Variants in SMG6 observed in about 807,000 individuals in gnomAD.
SMG6 encodes telomerase-binding protein EST1A.
A neutral mutation model predicts 142.2 loss-of-function variants in SMG6; 66 were observed. The ratio of observed to expected loss-of-function variants is 0.46; its 90% CI spans 0.38 to 0.57. SMG6 has a LOEUF of 0.57. SMG6 is among the 20% of genes least tolerant of loss of function. The probability of loss-of-function intolerance (pLI) is 0.00; values close to 1 mark genes in which losing one functional copy is unlikely to be tolerated. For missense variants in SMG6, 1,793 were observed against 1,832.0 expected, an observed-to-expected ratio of 0.98 and a Z score of 0.39; for synonymous variants, 779 against 702.4, an observed-to-expected ratio of 1.11 and a Z score of -1.72.
chr17:2,065,532 A>G lies in SMG6; in HGVS notation c.3983T>C (p.Leu1328Pro). The G allele has an allele frequency of 6.2e-7, 1 of 1,613,942 alleles. No homozygotes were observed. Among genetic ancestry groups the G allele is most frequent in the Non-Finnish European group, 8.5e-7 (1 of 1,180,006 alleles). Reference protein sequence around the residue: ...FESRDSCLRALTSRGNELESI... With the variant: ...FESRDSCLRAPTSRGNELESI... ...TTCGAGTTCATTGCCACGGCTGGTC[A>G]GGGCTCGCAGGCAAGAGTCCCGACT... Residue 1328 changes from leucine (L) to proline (P), a missense_variant, in exon 17 of 19, where the codon CTG becomes CCG. By Grantham distance (98) the Leu-to-Pro change is moderately conservative. Around this residue, in one of 3 missense-constraint regions of SMG6, gnomAD observed 179 missense variants for 212.6 expected, o/e 0.84. Coordinates refer to ENST00000263073, the MANE Select transcript of SMG6 (RefSeq NM_017575.5).
intron 8 of SMG6, among the ~76,000 whole-genome samples, chr17:2,269,033 T>C (rs2074487749): frequency 6.6e-6 from 1 of 151,124 alleles, no homozygotes; most frequent in African/African-American, 2.4e-5. Flanking sequence ...TGAAACCCCG[T>C]CTCTACTAAA....
chr17:2,134,887 T>A lies in SMG6; in HGVS notation c.3357+37771A>T, dbSNP rs950537582. Among the ~76,000 whole-genome samples, 4 of 11,734 alleles carry A rather than the reference T, an allele frequency of 3.4e-4. No homozygotes were observed. The African/African-American group carries it at 3.6e-3, about 11-fold the overall frequency. 7.7% of individuals were successfully genotyped at this position (11,734 alleles called of 152,430 possible). A position where few individuals can be genotyped will look rare whatever the true frequency, so the allele number is the denominator to read the frequency against. On this transcript the variant is annotated intron_variant, in intron 13 of 18. Transcript: ENST00000263073. ...TTTTAAAAAGTTTTATTTTAATTTA[T>A]TTTTTTTTTTGAGACAGAGTCTCAC...
intron 13 of SMG6, among the ~76,000 whole-genome samples, chr17:2,149,051 A>C (rs2070749993): frequency 6.6e-6 from 1 of 152,076 alleles, no homozygotes; most frequent in African/African-American, 2.4e-5. Flanking sequence ...CCGTACATTT[A>C]AAAAACTGGT....
At position 2,061,498 on chromosome 17, in the gene SMG6, C is replaced by G; in HGVS notation, c.4254G>C (p.Val1418=). 6.4e-7 allele frequency: 1 copy of G among 1,572,618 alleles called. No individual in the cohort carries two copies. The highest frequency in any genetic ancestry group is 2.3e-5 in the East Asian group (1 of 42,630). ...GGGCCCCAGTGTGGCTCCCTCAGCC[C>G]ACCTGGGCCCACGTGAGGAAGGCTG... is the stretch of plus-strand genomic sequence containing the variant. The part of the protein sequence containing the change: ...DIPAFLTWAQ[V]G The change falls in exon 19 of 19, where the codon GTG becomes GTC. Residue 1418 remains valine (V), a synonymous_variant. Coordinates refer to ENST00000263073, the MANE Select transcript of SMG6 (RefSeq NM_017575.5).
intron 10 of SMG6, among the ~76,000 whole-genome samples, chr17:2,198,585 G>A (rs1190518512): frequency 1.3e-5 from 2 of 152,184 alleles, no homozygotes; most frequent in African/African-American, 2.4e-5. Context: ...ATGAAAAATG[G>A]GGAAGGACGG....
At chr17:2,186,457 G>A (rs2071988288) in intron 12 of SMG6, among the ~76,000 whole-genome samples, 2 of 152,110 alleles carry the variant, frequency 1.3e-5, no homozygotes, top group African/African-American at 2.4e-5. Flanking sequence ...AGTGTGAGAG[G>A]AGGGGGAAGA....
intron 13 of SMG6, among the ~76,000 whole-genome samples, chr17:2,086,137 G>C (rs953159287): frequency 9.9e-5 from 15 of 152,116 alleles, no homozygotes; most frequent in African/African-American, 3.4e-4. Flanking sequence ...TTATCTCTGG[G>C]GCAGCAGACA....
At chr17:2,181,038 T>C (rs2071790677) in intron 12 of SMG6, among the ~76,000 whole-genome samples, 1 of 151,956 alleles carries the variant, frequency 6.6e-6, no homozygotes, top group Middle Eastern at 3.4e-3. Flanking sequence ...GTCAGGGGGG[T>C]TACAGTTTTG....
intron 13 of SMG6, among the ~76,000 whole-genome samples, chr17:2,155,534 G>C (rs2070975155): frequency 1.3e-5 from 2 of 152,166 alleles, no homozygotes; most frequent in Admixed American, 6.5e-5. Flanking sequence ...ATGACCATAA[G>C]GAGCAAGTAG....
In SMG6 at chr17:2,188,445, A is replaced by T; in HGVS notation, c.2940T>A (p.Ser980=). ...QAAALGLAMF[S]LLVRRCTCLL... ...AGCAGGTGCAGCGGCGGACCAGTAG[A>T]GAAAACATGGCCAAGCCCAGAGCTG... Residue 980 remains serine (S), a synonymous_variant, in exon 11 of 19, where the codon TCT becomes TCA. Coordinates refer to ENST00000263073, the MANE Select transcript of SMG6 (RefSeq NM_017575.5). The T allele has an allele frequency of 6.2e-7, 1 of 1,614,154 alleles. No individual in the cohort carries two copies. Among genetic ancestry groups the T allele is most frequent in the Non-Finnish European group, 8.5e-7 (1 of 1,180,012 alleles).
At chr17:2,207,900 T>C (rs949555411) in intron 10 of SMG6, among the ~76,000 whole-genome samples, 1 of 152,222 alleles carries the variant, frequency 6.6e-6, no homozygotes, top group African/African-American at 2.4e-5. Flanking sequence ...AGGATAGAAC[T>C]GACCTGCTTC....
chr17:2,198,349 G>T (rs749459495), intron 10 of SMG6, among the ~76,000 whole-genome samples: 11 of 152,172 alleles, frequency 7.2e-5, no homozygotes, highest in Non-Finnish European at 1.2e-4. Context: ...GCTGAAAGGC[G>T]GTAGGGATGG....
At position 2,114,906 on chromosome 17, in the gene SMG6, AAAAATAAAAT is replaced by A. The variant is rs71375589; in HGVS notation, c.3358-29015_3358-29006del. Among the ~76,000 whole-genome samples, 265 of 61,994 alleles carry A rather than the reference AAAAATAAAAT, an allele frequency of 4.3e-3. 2 individuals are homozygous for A. Among genetic ancestry groups the A allele is most frequent in the African/African-American group, 0.017 (172 of 10,358 alleles). The allele number at this position is 61,994 out of a possible 152,430, so 40.7% of individuals were successfully genotyped here. A position where few individuals can be genotyped will look rare whatever the true frequency, so the allele number is the denominator to read the frequency against. On this transcript the variant is annotated intron_variant, in intron 13 of 18. Transcript: ENST00000263073. The stretch of plus-strand genomic sequence containing the variant: ...CGTGCCACTGCACTCCAGCCTGGGC[AAAAATAAAAT>A]AAAATAAAATAAAATAAAATAAAAT...
At chr17:2,198,950 T>TAA (rs55660022) in intron 10 of SMG6, among the ~76,000 whole-genome samples, 100 of 102,096 alleles carry the variant, frequency 9.8e-4, no homozygotes, top group African/African-American at 3.1e-3. Flanking sequence ...AAAATAAAAT[T>TAA]AAAAAAAAAA....
At chr17:2,222,396 C>G (rs963339459) in intron 10 of SMG6, among the ~76,000 whole-genome samples, 2 of 151,620 alleles carry the variant, frequency 1.3e-5, no homozygotes, top group Admixed American at 1.3e-4. Flanking sequence ...GCAGAACATT[C>G]CAAACAGAGA....
chr17:2,082,196 C>T, intron 14 of SMG6: 1 of 524,424 alleles, frequency 1.9e-6, no homozygotes, highest in Non-Finnish European at 3.4e-6. Flanking sequence ...GAGAGTTACA[C>T]CATAAGTCAC....
At position 2,299,335 on chromosome 17, in the gene SMG6, T is replaced by G; in HGVS notation, c.1418A>C (p.Gln473Pro). 6.2e-7 allele frequency: 1 copy of G among 1,614,056 alleles called. No homozygotes were observed. The highest frequency in any genetic ancestry group is 8.5e-7 in the Non-Finnish European group (1 of 1,180,008). Residue 473 changes from glutamine to proline, a missense_variant, in exon 2 of 19, where the codon CAG becomes CCG. Around this residue, in one of 3 missense-constraint regions of SMG6, gnomAD observed 1,597 missense variants for 1,584.6 expected, o/e 1.01. Transcript: ENST00000263073. This position sits in a 1 kb window ranked among gnomAD's most constrained non-coding sequence, Gnocchi z 4.3. ...QKPALKTQTP[Q>P]LHFLDTDDEV... ...ATCATCAGTGTCCAAGAAATGTAGC[T>G]GGGGCGTCTGAGTCTTTAGAGCAGG... is the stretch of plus-strand genomic sequence containing the variant.
chr17:2,132,538 G>C (rs1266374234), intron 13 of SMG6, among the ~76,000 whole-genome samples: 1 of 152,098 alleles, frequency 6.6e-6, no homozygotes, highest in African/African-American at 2.4e-5. Flanking sequence ...GGAGTGAAGA[G>C]AAAATACAAA....
chr17:2,222,733 C>T (rs2073212902), intron 10 of SMG6, among the ~76,000 whole-genome samples: 1 of 152,014 alleles, frequency 6.6e-6, no homozygotes, highest in Non-Finnish European at 1.5e-5. Flanking sequence ...CAAAAAGAGA[C>T]CACTTAGGAG....
Sources: allele counts gnomAD v4.1 joint callset (sites outside exome capture counted in the v4.1 genomes callset), GRCh38; gene constraint gnomAD v4.1.1; regional missense constraint gnomAD v4.1.1; non-coding constraint Gnocchi (gnomAD v3.1); transcripts MANE v1.5; gene names NCBI Gene and HGNC (gene_info 2026-07-23, HGNC 2026-07-21).